Variants in GMDS observed in about 807,000 individuals in gnomAD.
The protein encoded by GMDS is GDP-mannose 4,6-dehydratase, also known as GDP-mannose 4,6 dehydratase.
In GMDS, 20 loss-of-function variants were observed where a neutral mutation model predicts 49.9. The observed-to-expected ratio is 0.40, with a 90% CI of 0.28 to 0.58. The LOEUF is 0.58. Ranked by LOEUF, GMDS falls within the 20% of genes least tolerant of loss-of-function variation. The pLI is 0.42. For missense variants in GMDS, 362 were observed against 481.4 expected, an observed-to-expected ratio of 0.75 and a Z score of 2.32; for synonymous variants, 177 against 178.6, an observed-to-expected ratio of 0.99 and a Z score of 0.07.
At chr6:1,806,195 C>T (rs906952799) in intron 7 of GMDS, among the ~76,000 whole-genome samples, 1 of 151,996 alleles carries the variant, frequency 6.6e-6, no homozygotes, top group Non-Finnish European at 1.5e-5. Flanking sequence ...CAATTTAGTC[C>T]CTCATACATT....
chr6:1,708,358 TGAG>T (rs1765815153), intron 9 of GMDS, among the ~76,000 whole-genome samples: 1 of 152,166 alleles, frequency 6.6e-6, no homozygotes, highest in Non-Finnish European at 1.5e-5. Context: ...GGAGGGCAGA[TGAG>T]GAGTGGAGGG....
intron 7 of GMDS, among the ~76,000 whole-genome samples, chr6:1,927,370 G>A (rs1762071337): frequency 6.6e-6 from 1 of 152,246 alleles, no homozygotes; most frequent in Non-Finnish European, 1.5e-5. Flanking sequence ...TTTATTCAGA[G>A]GGTAGCGTGT....
At chr6:2,076,560 GA>G (rs1324183356) in intron 4 of GMDS, among the ~76,000 whole-genome samples, 1 of 152,124 alleles carries the variant, frequency 6.6e-6, no homozygotes, top group Non-Finnish European at 1.5e-5. Flanking sequence ...TACCAAAACA[GA>G]GATATAGACC....
intron 4 of GMDS, among the ~76,000 whole-genome samples, chr6:2,073,637 CTT>C (rs1371523882): frequency 6.6e-6 from 1 of 152,180 alleles, no homozygotes; most frequent in Admixed American, 6.5e-5. Flanking sequence ...ACCAAACTCT[CTT>C]TATCTGTTCC....
intron 9 of GMDS, among the ~76,000 whole-genome samples, chr6:1,627,071 G>T (rs1280377364): frequency 6.6e-6 from 1 of 152,190 alleles, no homozygotes; most frequent in African/African-American, 2.4e-5. Flanking sequence ...AAAGGATGAG[G>T]TCCCCTCAGA....
chr6:1,885,861 G>A (rs1305544837), intron 7 of GMDS, among the ~76,000 whole-genome samples: 1 of 152,172 alleles, frequency 6.6e-6, no homozygotes, highest in Non-Finnish European at 1.5e-5. Context: ...CTTTCCTCTT[G>A]TTCCACAGCT....
chr6:1,725,842 T>C (rs555416023), intron 9 of GMDS, among the ~76,000 whole-genome samples: 31 of 152,344 alleles, frequency 2.0e-4, no homozygotes, highest in East Asian at 7.7e-4. Context: ...TATAATAGAA[T>C]TATGTATAGC....
At chr6:1,891,010 A>G (rs536618546) in intron 7 of GMDS, among the ~76,000 whole-genome samples, 3 of 152,322 alleles carry the variant, frequency 2.0e-5, no homozygotes. Context: ...TCAACCAATT[A>G]CAAATGTATG....
chr6:1,827,990 T>TACC (rs1395305229), intron 7 of GMDS, among the ~76,000 whole-genome samples: 1 of 152,112 alleles, frequency 6.6e-6, no homozygotes, highest in African/African-American at 2.4e-5. Flanking sequence ...ACTTTGGACT[T>TACC]ACCAGATAAA....
chr6:1,654,367 G>A (rs554795810), intron 9 of GMDS, among the ~76,000 whole-genome samples: 27 of 152,302 alleles, frequency 1.8e-4, no homozygotes, highest in African/African-American at 5.5e-4. Context: ...CTAAGTGTCC[G>A]TTGACAGATT....
intron 4 of GMDS, among the ~76,000 whole-genome samples, chr6:2,111,748 A>G (rs1275856256): frequency 6.6e-6 from 1 of 152,230 alleles, no homozygotes. Context: ...AATTTAATTA[A>G]TCTTATGGCA....
intron 4 of GMDS, among the ~76,000 whole-genome samples, chr6:2,038,828 G>C (rs1482519234): frequency 6.6e-6 from 1 of 152,168 alleles, no homozygotes; most frequent in African/African-American, 2.4e-5. Flanking sequence ...CTCATTAATG[G>C]CAGAAGGCAG....
chr6:1,652,555 T>A (rs865906123), intron 9 of GMDS, among the ~76,000 whole-genome samples: 1 of 9,208 alleles, frequency 1.1e-4, no homozygotes, highest in African/African-American at 3.6e-4. Context: ...TATAATATAT[T>A]ATATATATTA....
At chr6:2,052,143 A>AAAAAAAAAAAAAAAAAAAAAAAAAAAC (rs1770453878) in intron 4 of GMDS, among the ~76,000 whole-genome samples, 1 of 148,930 alleles carries the variant, frequency 6.7e-6, no homozygotes, top group Non-Finnish European at 1.5e-5. Context: ...AAAAAAAAAA[A>AAAAAAAAAAAAAAAAAAAAAAAAAAAC]CAGAAAAGAA....
intron 4 of GMDS, among the ~76,000 whole-genome samples, chr6:2,060,403 A>G (rs1289266861): frequency 1.3e-5 from 2 of 152,210 alleles, no homozygotes; most frequent in Non-Finnish European, 2.9e-5. Context: ...GCAAAACAAA[A>G]TGAAGCTAGC....
At chr6:1,689,299 C>A (rs983703566) in intron 9 of GMDS, among the ~76,000 whole-genome samples, 11 of 152,124 alleles carry the variant, frequency 7.2e-5, no homozygotes, top group African/African-American at 2.7e-4. Flanking sequence ...AAACATGAGT[C>A]AAGAGAGCCC....
intron 4 of GMDS, among the ~76,000 whole-genome samples, chr6:2,013,790 G>A (rs1003962349): frequency 6.6e-6 from 1 of 151,544 alleles, no homozygotes. Flanking sequence ...ATTACAAAAG[G>A]TGTAACCAAC....
chr6:2,125,818 A>C (rs1166888851), intron 1 of GMDS, among the ~76,000 whole-genome samples: 2 of 152,212 alleles, frequency 1.3e-5, no homozygotes, highest in Non-Finnish European at 2.9e-5. Flanking sequence ...TGAAGGCTTG[A>C]AAAGGTTTTA....
intron 4 of GMDS, among the ~76,000 whole-genome samples, chr6:2,067,204 C>G (rs1034254382): frequency 6.6e-6 from 1 of 152,040 alleles, no homozygotes; most frequent in Non-Finnish European, 1.5e-5. Context: ...TAAAGATGTT[C>G]TTTGAAACCA....
Sources: gnomAD v4.1 joint callset for allele counts (sites outside exome capture counted in the v4.1 genomes callset) on GRCh38, gnomAD v4.1.1 for gene constraint, MANE v1.5 for transcripts, NCBI Gene and HGNC (gene_info 2026-07-23, HGNC 2026-07-21) for gene names.